AFF2: variants seen among roughly 807,000 people sequenced by gnomAD.
AFF2 encodes AF4/FMR2 family member 2.
A neutral mutation model predicts 76.9 loss-of-function variants in AFF2; 14 were observed. That is an observed-to-expected ratio of 0.18 (90% CI 0.12 to 0.28). The LOEUF (loss-of-function observed/expected upper bound fraction) is 0.28, where lower values mean the gene tolerates loss of function less well. Among genes scored for constraint, AFF2 ranks in the 10% least tolerant of loss-of-function variants. The probability of loss-of-function intolerance (pLI) is 1.00; values close to 1 mark genes in which losing one functional copy is unlikely to be tolerated. For missense variants in AFF2, 868 were observed against 1,001.1 expected (o/e 0.87, Z 1.79); for synonymous variants, 398 against 366.7 (o/e 1.09, Z -0.98).
intron 3 of AFF2, among the ~76,000 whole-genome samples, chrX:148,783,934 A>G (rs1451076396): frequency 8.9e-6 from 1 of 111,848 alleles, no homozygotes; most frequent in Non-Finnish European, 1.9e-5. Context: ...TATTAGCAGT[A>G]GCCCTGGGTC....
intron 1 of AFF2, among the ~76,000 whole-genome samples, chrX:148,617,134 T>C (rs1449749800): frequency 6.0e-4 from 67 of 111,823 alleles, no homozygotes; most frequent in African/African-American, 1.9e-3. Flanking sequence ...TTCTAGATCC[T>C]TGAGGAATCG....
At chrX:148,584,657 G>T (rs1453182851) in intron 1 of AFF2, among the ~76,000 whole-genome samples, 1 of 107,750 alleles carries the variant, frequency 9.3e-6, no homozygotes, top group Non-Finnish European at 1.9e-5. Context: ...CCGGGTTCAA[G>T]CGATTCTCCT....
intron 3 of AFF2, among the ~76,000 whole-genome samples, chrX:148,716,427 G>A (rs1489657382): frequency 8.9e-6 from 1 of 111,883 alleles, no homozygotes; most frequent in African/African-American, 3.2e-5. Context: ...ATCTATGCCA[G>A]TGTAAGATGA....
At chrX:148,885,478 C>G (rs2071147485) in intron 7 of AFF2, among the ~76,000 whole-genome samples, 1 of 111,275 alleles carries the variant, frequency 9.0e-6, no homozygotes, top group African/African-American at 3.3e-5. Flanking sequence ...TTGACAACAG[C>G]CTCCAGAGCT....
rs367644155 is a variant in AFF2, at chrX:148,956,212, G to A, written c.2167G>A (p.Asp723Asn). Reference sequence around the variant, plus strand: ...TTCATCTACATCTGACTCCAACACAGATCAGGAAGAGACCCTGCAAATCAA... The same window carrying A: ...TTCATCTACATCTGACTCCAACACAAATCAGGAAGAGACCCTGCAAATCAA... ...TDSSTSDSNTDQEETLQIKVL... is the reference protein window; with the variant it reads ...TDSSTSDSNTNQEETLQIKVL... The change falls in exon 11 of 21, where the codon GAT becomes AAT. Residue 723 changes from aspartate to asparagine, a missense_variant. Physicochemically the swap from Asp to Asn is conservative, Grantham distance 23. Coordinates refer to ENST00000370460, the MANE Select transcript of AFF2 (RefSeq NM_002025.4). 18 of 1,209,315 alleles carry A rather than the reference G, an allele frequency of 1.5e-5. No homozygotes were observed. Among genetic ancestry groups the A allele is most frequent in the Non-Finnish European group, 1.9e-5 (17 of 895,188 alleles).
chrX:148,861,515 C>A (rs190349906), intron 7 of AFF2, among the ~76,000 whole-genome samples: 1 of 111,893 alleles, frequency 8.9e-6, no homozygotes, highest in East Asian at 2.8e-4. Flanking sequence ...TGTAGGAATT[C>A]TTTGAGCCTT....
rs1167479503 is a variant in AFF2 at position 148,556,543 on chromosome X, A to G, written c.47+55399A>G. ...ACTTTTAGGCTAACTTTAAAAAGAT[A>G]TAATTTCAGAGAGGCTATTCTCTTT... On this transcript the variant is annotated intron_variant, in intron 1 of 20. Coordinates refer to ENST00000370460, the MANE Select transcript of AFF2 (RefSeq NM_002025.4). Among the ~76,000 whole-genome samples, 3 of 112,371 alleles carry G rather than the reference A, an allele frequency of 2.7e-5. No homozygotes were observed. The Admixed American group carries it at 2.8e-4, about 11-fold the overall frequency.
At chrX:148,964,766 A>C (rs782769837) in intron 13 of AFF2, among the ~76,000 whole-genome samples, 4 of 112,554 alleles carry the variant, frequency 3.6e-5, no homozygotes, top group Non-Finnish European at 7.5e-5. Flanking sequence ...AAGAATGGTT[A>C]AGATGGTACA....
intron 9 of AFF2, among the ~76,000 whole-genome samples, chrX:148,911,437 T>C (rs2071467902): frequency 9.0e-6 from 1 of 111,654 alleles, no homozygotes; most frequent in Admixed American, 9.5e-5. Context: ...GGCAGTGGAA[T>C]CTGATTTGTG....
intron 8 of AFF2, among the ~76,000 whole-genome samples, chrX:148,903,308 G>T (rs1894137509): frequency 1.8e-5 from 2 of 111,956 alleles, no homozygotes; most frequent in African/African-American, 3.2e-5. Flanking sequence ...AAACCCTCCA[G>T]GTGCTTAAAC....
chrX:148,665,247 G>A (rs2054346393), intron 3 of AFF2, among the ~76,000 whole-genome samples: 1 of 112,007 alleles, frequency 8.9e-6, no homozygotes, highest in African/African-American at 3.2e-5. Flanking sequence ...TTCACTCAGT[G>A]CTCTGGCACA....
At chrX:148,814,085 G>A (rs2070235523) in intron 4 of AFF2, among the ~76,000 whole-genome samples, 1 of 111,991 alleles carries the variant, frequency 8.9e-6, no homozygotes. Flanking sequence ...CTACCCTCAC[G>A]TGCAAACGGA....
At chrX:148,940,438 A>G (rs1267649764) in intron 9 of AFF2, among the ~76,000 whole-genome samples, 1 of 112,211 alleles carries the variant, frequency 8.9e-6, no homozygotes, top group African/African-American at 3.2e-5. Flanking sequence ...TAACCCCAGA[A>G]GGTATTTTAA....
intron 8 of AFF2, among the ~76,000 whole-genome samples, chrX:148,893,742 T>C (rs1603336303): frequency 8.9e-6 from 1 of 111,783 alleles, no homozygotes; most frequent in East Asian, 2.8e-4. Flanking sequence ...ACCACAGCCT[T>C]TTCACCCACA....
chrX:148,719,009 T>C, intron 3 of AFF2: 2 of 936,615 alleles, frequency 2.1e-6, no homozygotes, highest in Non-Finnish European at 2.8e-6. Flanking sequence ...GATGATGTCA[T>C]AATTAGCTTA....
chrX:148,664,950 A>G (rs1306446017), intron 3 of AFF2, among the ~76,000 whole-genome samples: 2 of 112,130 alleles, frequency 1.8e-5, no homozygotes, highest in Non-Finnish European at 3.8e-5. Context: ...AGGCTTTAAT[A>G]CTTAAAAATC....
At chrX:148,926,942 C>T (rs782354629) in intron 9 of AFF2, among the ~76,000 whole-genome samples, 71 of 112,126 alleles carry the variant, frequency 6.3e-4, no homozygotes, top group African/African-American at 2.1e-3. Context: ...AGGTGCCCAC[C>T]TCACAGTTCT....
chrX:148,997,686 C>T lies in AFF2; in HGVS notation c.*6354C>T, dbSNP rs908884040. On this transcript the variant is annotated 3_prime_UTR_variant, in exon 21 of 21. Coordinates refer to ENST00000370460, the MANE Select transcript of AFF2 (RefSeq NM_002025.4). Reference sequence around the variant, plus strand: ...GTCCTTACTGGAAAATGGTAACATCCGGGTCTGATTTAATTGGCATTACAC... The same window carrying T: ...GTCCTTACTGGAAAATGGTAACATCTGGGTCTGATTTAATTGGCATTACAC... The T allele has an allele frequency of 2.7e-5, 3 of 110,671 alleles. No individual in the cohort carries two copies. Among genetic ancestry groups the T allele is most frequent in the Admixed American group, 9.6e-5 (1 of 10,421 alleles). The allele number at this position is 110,671 out of a possible 1,213,427, so 9.1% of individuals were successfully genotyped here.
At chrX:148,916,690 G>A (rs1444421541) in intron 9 of AFF2, among the ~76,000 whole-genome samples, 4 of 111,520 alleles carry the variant, frequency 3.6e-5, no homozygotes, top group Non-Finnish European at 5.6e-5. Flanking sequence ...TTGGACCACC[G>A]CTGTATACAA....
Sources: gnomAD v4.1 joint callset for allele counts (sites outside exome capture counted in the v4.1 genomes callset) on GRCh38, gnomAD v4.1.1 for gene constraint, MANE v1.5 for transcripts, NCBI Gene and HGNC (gene_info 2026-07-23, HGNC 2026-07-21) for gene names.